Variants in PPP1R13B observed in about 807,000 individuals in gnomAD.
PPP1R13B encodes the protein protein phosphatase 1 regulatory subunit 13B, also known as apoptosis-stimulating of p53 protein 1.
In PPP1R13B, 44 loss-of-function variants were observed where a neutral mutation model predicts 119.8. That is an observed-to-expected ratio of 0.37 (90% CI 0.29 to 0.47). The LOEUF is 0.47. Among genes scored for constraint, PPP1R13B ranks in the 20% least tolerant of loss-of-function variants. The pLI is 0.99. For missense variants in PPP1R13B, 1,227 were observed against 1,413.5 expected (o/e 0.87, Z 2.12); for synonymous variants, 542 against 561.5 (o/e 0.97, Z 0.49).
chr14:103,735,342 C>T lies in PPP1R13B; in HGVS notation c.3232-147G>A, dbSNP rs907231774. The T allele has an allele frequency of 9.5e-6, 7 of 734,640 alleles. No homozygotes were observed. The African/African-American group carries it at 1.0e-4, about 11-fold the overall frequency. The allele number at this position is 734,640 out of a possible 1,614,324, so 45.5% of individuals were successfully genotyped here. A position where few individuals can be genotyped will look rare whatever the true frequency, so the allele number is the denominator to read the frequency against. On this transcript the variant is annotated intron_variant, in intron 16 of 16. Transcript: ENST00000202556. ...AGGCCTACGCTCAGCTGCACCTCTA[C>T]ACTGAGACCCACCCAGCCCTCTTTA...
chr14:103,837,886 A>G (rs1432667665), intron 1 of PPP1R13B, among the ~76,000 whole-genome samples: 10 of 152,174 alleles, frequency 6.6e-5, no homozygotes, highest in Non-Finnish European at 1.5e-5. Flanking sequence ...TGGGAGGCCA[A>G]GGCAGACAGA....
At chr14:103,744,935 CCAA>C (rs1029912270) in intron 9 of PPP1R13B, among the ~76,000 whole-genome samples, 8 of 152,334 alleles carry the variant, frequency 5.3e-5, no homozygotes, top group African/African-American at 1.9e-4. Context: ...ACAGCAGACA[CCAA>C]CAAGGACGGG....
chr14:103,748,101 A>C (rs1196185275), intron 8 of PPP1R13B, among the ~76,000 whole-genome samples: 1 of 132,534 alleles, frequency 7.5e-6, no homozygotes, highest in East Asian at 2.2e-4. Flanking sequence ...ACACACACAC[A>C]CACACACACA....
At chr14:103,793,626 T>C (rs2085682944) in intron 2 of PPP1R13B, among the ~76,000 whole-genome samples, 2 of 152,236 alleles carry the variant, frequency 1.3e-5, no homozygotes, top group South Asian at 2.1e-4. Context: ...TCATGTAATA[T>C]AAAATATACC....
chr14:103,736,095 T>C lies in PPP1R13B; in HGVS notation c.3139A>G (p.Thr1047Ala). ...ELSFHEGDAL[T>A]ILRRKDESET... ...CTTTCGTCCTTGCGCCTCAGGATGGTGAGGGCGTCCCCTTCGTGGAAGGAC... is the reference window on the plus strand; with the variant it reads ...CTTTCGTCCTTGCGCCTCAGGATGGCGAGGGCGTCCCCTTCGTGGAAGGAC... The change falls in exon 16 of 17, where the codon ACC (threonine) becomes GCC (alanine). Residue 1047 changes from threonine (T) to alanine (A), a missense_variant. Coordinates refer to ENST00000202556, the MANE Select transcript of PPP1R13B (RefSeq NM_015316.3). 4 of 1,614,200 alleles carry C rather than the reference T, an allele frequency of 2.5e-6. No homozygotes were observed. The African/African-American group carries it at 4.0e-5, about 16-fold the overall frequency.
chr14:103,734,889 G>T lies in PPP1R13B; in HGVS notation c.*265C>A, dbSNP rs544833941. ...GGACTTCTTAATGGCAAGAGGGGTG[G>T]GTGTTTTGAAAGTGGGTATTTATTT... On this transcript the variant is annotated 3_prime_UTR_variant, in exon 17 of 17. Transcript: ENST00000202556. 1.7e-5 allele frequency: 10 copies of T among 583,368 alleles called. No individual in the cohort carries two copies. The East Asian group carries it at 3.3e-4, about 19-fold the overall frequency. The allele number at this position is 583,368 out of a possible 1,614,324, so 36.1% of individuals were successfully genotyped here.
intron 6 of PPP1R13B, among the ~76,000 whole-genome samples, chr14:103,753,496 ATCCAAGCCTCTC>A (rs1236043522): frequency 6.6e-6 from 1 of 152,252 alleles, no homozygotes; most frequent in Non-Finnish European, 1.5e-5. Flanking sequence ...AGGCAGGGCC[ATCCAAGCCTCTC>A]TCGTGCATCA....
At chr14:103,736,571 A>C in intron 15 of PPP1R13B, 1 of 243,240 alleles carries the variant, frequency 4.1e-6, no homozygotes, top group Non-Finnish European at 8.1e-6. Context: ...TAATGAACAA[A>C]CTACACACAA....
At position 103,737,779 on chromosome 14, in the gene PPP1R13B, G is replaced by A. The variant is rs558565942; in HGVS notation, c.2946C>T (p.Ala982=). ...CAGTTTCAATGTCGCTTATGGTTGAGGCAAAAATGGCGGCACCACTCTCCA... is the reference window on the plus strand; with the variant it reads ...CAGTTTCAATGTCGCTTATGGTTGAAGCAAAAATGGCGGCACCACTCTCCA... The part of the protein sequence containing the change: ...QLVESGAAIF[A]STISDIETAA... The change falls in exon 15 of 17, where the codon GCC becomes GCT. Residue 982 remains alanine, a synonymous_variant. Transcript: ENST00000202556. The A allele has an allele frequency of 3.0e-4, 492 of 1,614,204 alleles. 6 individuals are homozygous for A. The South Asian group carries it at 5.2e-3, about 17-fold the overall frequency.
At chr14:103,756,845 GC>G (rs2084689237) in intron 5 of PPP1R13B, among the ~76,000 whole-genome samples, 1 of 151,754 alleles carries the variant, frequency 6.6e-6, no homozygotes, top group Admixed American at 6.6e-5. Flanking sequence ...TGCAAGCTCT[GC>G]CTCCTGGGTT....
Position 103,740,522 on chromosome 14 carries a change from A to C in PPP1R13B, c.1894T>G (p.Ser632Ala). The change falls in exon 12 of 17, where the codon TCC becomes GCC. Residue 632 changes from serine (S) to alanine (A), a missense_variant. Coordinates refer to ENST00000202556, the MANE Select transcript of PPP1R13B (RefSeq NM_015316.3). This position sits in a 1 kb window ranked among gnomAD's most constrained non-coding sequence, Gnocchi z 4.6. ...SPLPFLHGSL[S>A]TGTPQPQPPS... is the part of the protein sequence containing the mutation. ...GGCTGAGGCTGTGGTGTGCCCGTGG[A>C]CAGTGACCCGTGAAGAAACGGCAGC... The C allele has an allele frequency of 6.3e-7, 1 of 1,589,782 alleles. No individual in the cohort carries two copies. Among genetic ancestry groups the C allele is most frequent in the South Asian group, 1.1e-5 (1 of 89,622 alleles).
intron 5 of PPP1R13B, among the ~76,000 whole-genome samples, chr14:103,755,521 C>T (rs2084656194): frequency 6.6e-6 from 1 of 152,064 alleles, no homozygotes; most frequent in Non-Finnish European, 1.5e-5. Flanking sequence ...TGAAAACATA[C>T]CTTAAAGAGT....
At chr14:103,769,162 C>T (rs564429223) in intron 4 of PPP1R13B, among the ~76,000 whole-genome samples, 4 of 152,194 alleles carry the variant, frequency 2.6e-5, no homozygotes, top group Non-Finnish European at 4.4e-5. Context: ...CTTGGCTCAC[C>T]GCAACCTGTG....
In PPP1R13B at chr14:103,797,447, G is replaced by A. The variant is rs1028318095; in HGVS notation, c.81C>T (p.Thr27=). ...TGCAAAATTCTACAACATCTCGACA[G>A]GTTGTTTCCGGTGTTATAGGAACTT... ...LTEVPITPET[T]CRDVVEFCKE... is the part of the protein sequence containing the mutation. Residue 27 remains threonine, a synonymous_variant, in exon 2 of 17, where the codon ACC becomes ACT. Coordinates refer to ENST00000202556, the MANE Select transcript of PPP1R13B (RefSeq NM_015316.3). 7 of 1,613,730 alleles carry A rather than the reference G, an allele frequency of 4.3e-6. No individual in the cohort carries two copies. Among genetic ancestry groups the A allele is most frequent in the Non-Finnish European group, 5.1e-6 (6 of 1,179,702 alleles).
chr14:103,842,347 G>C (rs2040946057), intron 1 of PPP1R13B, among the ~76,000 whole-genome samples: 1 of 137,762 alleles, frequency 7.3e-6, no homozygotes, highest in Non-Finnish European at 1.5e-5. Context: ...TTGTCACCCA[G>C]GCTGGAGTGC....
chr14:103,770,145 G>A lies in PPP1R13B; in HGVS notation c.354+8600C>T, dbSNP rs927706495. 3.2e-4 allele frequency among the ~76,000 whole-genome samples: 49 copies of A among 150,810 alleles called. 2 individuals carry two copies. The highest frequency in any genetic ancestry group is 1.5e-5 in the Non-Finnish European group (1 of 67,782). On this transcript the variant is annotated intron_variant, in intron 4 of 16. Transcript: ENST00000202556. ...TGATCTCAAGTGATCCACCTACCTC[G>A]GCCTCCCAAAGTGCTGGGTTTACAG...
chr14:103,801,425 C>T (rs10130973), intron 1 of PPP1R13B, among the ~76,000 whole-genome samples: 19,838 of 152,078 alleles, frequency 0.13, 1,947 homozygotes, highest in African/African-American at 0.27. Flanking sequence ...AAACCTCCCT[C>T]CATCAGCATC....
At chr14:103,824,802 C>T (rs553701101) in intron 1 of PPP1R13B, among the ~76,000 whole-genome samples, 1 of 152,158 alleles carries the variant, frequency 6.6e-6, no homozygotes, top group East Asian at 1.9e-4. Context: ...ATGTCACTTT[C>T]TTTGTACTAC....
intron 4 of PPP1R13B, chr14:103,763,757 TG>T (rs2084870907): frequency 6.6e-6 from 1 of 152,244 alleles, no homozygotes; most frequent in South Asian, 2.1e-4. Context: ...TGTTTTAGAA[TG>T]TTTCCATCTG....
Sources: gnomAD v4.1 joint callset for allele counts (sites outside exome capture counted in the v4.1 genomes callset) on GRCh38, gnomAD v4.1.1 for gene constraint, Gnocchi (gnomAD v3.1) non-coding constraint, MANE v1.5 for transcripts, NCBI Gene and HGNC (gene_info 2026-07-23, HGNC 2026-07-21) for gene names.